CEP85L: variants seen among roughly 807,000 people sequenced by gnomAD.
CEP85L encodes the protein centrosomal protein of 85 kDa-like.
CEP85L carries 60 observed loss-of-function variants against 100.3 expected under a neutral mutation model. The ratio of observed to expected loss-of-function variants is 0.60; its 90% CI spans 0.49 to 0.74. CEP85L has a LOEUF of 0.74. Among genes scored for constraint, CEP85L ranks in the 30% least tolerant of loss-of-function variants. CEP85L has a pLI of 0.00. For synonymous variants in CEP85L, 319 were observed against 322.7 expected (o/e 0.99, Z 0.12); for missense variants, 973 against 936.2 (o/e 1.04, Z -0.51).
At chr6:118,652,749 T>C, upstream of CEP85L, 1 of 1,541,344 alleles carries the variant, frequency 6.5e-7, no homozygotes, top group Non-Finnish European at 8.8e-7. Flanking sequence ...TTAGTCTCCC[T>C]GTGGTAGACT....
intron 1 of CEP85L, among the ~76,000 whole-genome samples, chr6:118,662,484 C>T (rs1426622043): frequency 3.3e-5 from 5 of 151,038 alleles, no homozygotes; most frequent in South Asian, 2.1e-4. Context: ...GAGCCGAGAT[C>T]GCGCCACTGC....
chr6:118,704,133 G>C (rs887796902), intron 1 of CEP85L, among the ~76,000 whole-genome samples: 3 of 152,086 alleles, frequency 2.0e-5, no homozygotes, highest in African/African-American at 7.2e-5. Context: ...CAAAGTCACT[G>C]GGAAAAGGCA....
In CEP85L at chr6:118,651,179, C is replaced by G. The variant is rs1775530229; in HGVS notation, c.73+18G>C. The G allele has an allele frequency of 6.7e-7, 1 of 1,492,960 alleles. No homozygotes were observed. Among genetic ancestry groups the G allele is most frequent in the African/African-American group, 1.5e-5 (1 of 68,602 alleles). 92.5% of individuals were successfully genotyped at this position (1,492,960 alleles called of 1,614,324 possible). On this transcript the variant is annotated intron_variant, in intron 1 of 12. Coordinates refer to ENST00000368491, the MANE Select transcript of CEP85L (RefSeq NM_001042475.3). Reference sequence around the variant, plus strand: ...GCCGTGACCCCCACCCCAGCCGGGGCGCTGTCCCGTTCCTTACCGGCAGGG... The same window carrying G: ...GCCGTGACCCCCACCCCAGCCGGGGGGCTGTCCCGTTCCTTACCGGCAGGG...
chr6:118,651,173 C>A, intron 1 of CEP85L, 24 bp downstream of exon 1: 1 of 1,487,010 alleles, frequency 6.7e-7, no homozygotes. Flanking sequence ...CCCACCCCAG[C>A]CGGGGCGCTG....
chr6:118,702,387 C>T (rs1777444520), intron 1 of CEP85L, among the ~76,000 whole-genome samples: 1 of 152,030 alleles, frequency 6.6e-6, no homozygotes, highest in Non-Finnish European at 1.5e-5. Context: ...TGATATGCAC[C>T]TGTGGTCCCA....
chr6:118,695,838 T>G (rs1777190071), intron 1 of CEP85L, among the ~76,000 whole-genome samples: 1 of 152,192 alleles, frequency 6.6e-6, no homozygotes, highest in South Asian at 2.1e-4. Context: ...ACTGGGGTGC[T>G]TTTGAGGGTG....
chr6:118,530,385 G>GA (rs59307210), intron 3 of CEP85L, among the ~76,000 whole-genome samples: 2,872 of 128,092 alleles, frequency 0.022, 86 homozygotes, highest in African/African-American at 0.068. Flanking sequence ...GCCATGTATG[G>GA]AAAAAAAAAA....
intron 3 of CEP85L, among the ~76,000 whole-genome samples, chr6:118,525,016 T>C (rs1776884503): frequency 6.6e-6 from 1 of 152,234 alleles, no homozygotes. Flanking sequence ...TGTTTGTTTG[T>C]CTGTTTCTTT....
chr6:118,546,903 C>G (rs558445425), intron 3 of CEP85L, among the ~76,000 whole-genome samples: 1 of 152,196 alleles, frequency 6.6e-6, no homozygotes, highest in South Asian at 2.1e-4. Context: ...TGGCAATGTT[C>G]ACAGGATATC....
chr6:118,464,468 T>C lies in CEP85L; in HGVS notation c.*937A>G, dbSNP rs1324385289. 6.6e-6 allele frequency: 1 copy of C among 152,130 alleles called. No individual in the cohort carries two copies. The highest frequency in any genetic ancestry group is 2.4e-5 in the African/African-American group (1 of 41,446). The allele number at this position is 152,130 out of a possible 1,614,324, so 9.4% of individuals were successfully genotyped here. On this transcript the variant is annotated 3_prime_UTR_variant, in exon 13 of 13. Transcript: ENST00000368491. ...TCAACTTTGAAACATACAAAACTGT[T>C]AAAATGTAAATGTTGAGATTTGGAT...
In CEP85L at chr6:118,576,520, T is replaced by C. The variant is rs113859192; in HGVS notation, c.233-10204A>G. Among the ~76,000 whole-genome samples, 6 of 152,382 alleles carry C rather than the reference T, an allele frequency of 3.9e-5. 1 individual carries two copies. The highest frequency in any genetic ancestry group is 1.4e-4 in the African/African-American group (6 of 41,586). ...CCTTAGCTACTCAAGGATATCTTAC[T>C]GTTAATGTAACTATGCTTGTCTAGT... is the stretch of plus-strand genomic sequence containing the variant. On this transcript the variant is annotated intron_variant, in intron 2 of 12. Transcript: ENST00000368491.
intron 4 of CEP85L, among the ~76,000 whole-genome samples, chr6:118,522,013 T>C (rs1776698278): frequency 6.6e-6 from 1 of 152,176 alleles, no homozygotes; most frequent in Non-Finnish European, 1.5e-5. Context: ...TTCCATTGTT[T>C]GAGGGAGGGC....
intron 2 of CEP85L, among the ~76,000 whole-genome samples, chr6:118,569,868 A>C (rs971697029): frequency 6.6e-6 from 1 of 152,254 alleles, no homozygotes; most frequent in East Asian, 1.9e-4. Context: ...TAGAGAATAT[A>C]TATTTTTTAA....
chr6:118,496,424 C>T (rs1774930813), intron 5 of CEP85L, among the ~76,000 whole-genome samples: 2 of 132,768 alleles, frequency 1.5e-5, no homozygotes, highest in East Asian at 2.1e-4. Context: ...GGCACGATCT[C>T]GGCTCCTGCA....
chr6:118,630,134 A>G (rs903351369), intron 2 of CEP85L, among the ~76,000 whole-genome samples: 3 of 152,274 alleles, frequency 2.0e-5, no homozygotes, highest in African/African-American at 7.2e-5. Flanking sequence ...TTAAATCTCC[A>G]CCTCAAAGTG....
Position 118,567,534 on chromosome 6 carries a change from T to C in CEP85L, c.233-1218A>G, listed in dbSNP as rs547910501. ...CATCAAGTGCCATGTTATCATCATA[T>C]ATATCAAATTAAAACCAAAGACTAT... On this transcript the variant is annotated intron_variant, in intron 2 of 12. Transcript: ENST00000368491. Among the ~76,000 whole-genome samples the C allele has an allele frequency of 3.3e-5, 5 of 152,148 alleles. No homozygotes were observed. In the East Asian group the frequency reaches 9.6e-4, roughly 29 times the overall value.
At chr6:118,473,334 T>C (rs145873890) in intron 10 of CEP85L, among the ~76,000 whole-genome samples, 1 of 152,258 alleles carries the variant, frequency 6.6e-6, no homozygotes, top group East Asian at 1.9e-4. Flanking sequence ...GAGACTGAAA[T>C]CTCAGGTAAG....
At chr6:118,561,936 G>A (rs189117594) in intron 3 of CEP85L, among the ~76,000 whole-genome samples, 81 of 152,232 alleles carry the variant, frequency 5.3e-4, no homozygotes, top group African/African-American at 1.9e-3. Context: ...TTCTGGCAAA[G>A]TAGGACTATA....
At chr6:118,687,872 G>T (rs947549602) in intron 1 of CEP85L, among the ~76,000 whole-genome samples, 17 of 152,122 alleles carry the variant, frequency 1.1e-4, no homozygotes, top group Admixed American at 8.5e-4. Flanking sequence ...CGGGCTAAAG[G>T]CTTGCCATTG....
Sources: allele counts gnomAD v4.1 joint callset (sites outside exome capture counted in the v4.1 genomes callset), GRCh38; gene constraint gnomAD v4.1.1; transcripts MANE v1.5; gene names NCBI Gene and HGNC (gene_info 2026-07-23, HGNC 2026-07-21).